SIRT3: variants seen among roughly 807,000 people sequenced by gnomAD.
SIRT3 encodes sirtuin 3.
A neutral mutation model predicts 33.5 loss-of-function variants in SIRT3; 26 were observed. That is an observed-to-expected ratio of 0.78 (90% confidence interval 0.57 to 1.08). SIRT3 has a LOEUF of 1.08. Ranked by LOEUF, SIRT3 falls within the 50% of genes least tolerant of loss-of-function variation. The probability of loss-of-function intolerance (pLI) is 0.00; values close to 1 mark genes in which losing one functional copy is unlikely to be tolerated. For synonymous variants in SIRT3, 237 were observed against 222.1 expected (o/e 1.07, Z -0.60); for missense variants, 585 against 530.1 (o/e 1.10, Z -1.02).
chr11:222,871 C>A (rs1856625296), intron 5 of SIRT3: 1 of 152,444 alleles, frequency 6.6e-6, no homozygotes, highest in South Asian at 2.1e-4. Flanking sequence ...AGATCCAACT[C>A]CACCTGCCTG....
upstream of SIRT3, chr11:236,924 C>T (rs1859244931): frequency 9.0e-6 from 7 of 779,844 alleles, no homozygotes; most frequent in South Asian, 1.1e-4. Flanking sequence ...CCGCCCCCGG[C>T]CTGCTACGGC....
chr11:229,805 T>A (rs1274509930), intron 4 of SIRT3, among the ~76,000 whole-genome samples: 1 of 151,956 alleles, frequency 6.6e-6, no homozygotes, highest in African/African-American at 2.4e-5. Flanking sequence ...TACCCAGCAA[T>A]ACTTGTAGGT....
intron 5 of SIRT3, among the ~76,000 whole-genome samples, chr11:220,692 T>C (rs554694532): frequency 4.7e-4 from 71 of 152,382 alleles, no homozygotes; most frequent in African/African-American, 1.6e-3. Context: ...GGAAGGCAAG[T>C]TCTCAATATT....
chr11:227,750 G>A (rs1468511172), intron 4 of SIRT3, among the ~76,000 whole-genome samples: 1 of 151,934 alleles, frequency 6.6e-6, no homozygotes, highest in African/African-American at 2.4e-5. Context: ...TCAGCCTCCT[G>A]AGTAGCTGGG....
chr11:234,885 G>T (rs1237221109), intron 1 of SIRT3, among the ~76,000 whole-genome samples: 2 of 150,082 alleles, frequency 1.3e-5, no homozygotes, highest in African/African-American at 2.5e-5. Flanking sequence ...CGGGATCTTT[G>T]TTTTTTTTTG....
At chr11:217,988 G>A (rs554035063) in intron 6 of SIRT3, among the ~76,000 whole-genome samples, 49 of 152,270 alleles carry the variant, frequency 3.2e-4, no homozygotes, top group African/African-American at 1.1e-3. Context: ...CCCCGCACAC[G>A]TCCTCTTGCC....
At position 236,112 on chromosome 11, in the gene SIRT3, G is replaced by C; in HGVS notation, c.217C>G (p.Pro73Ala). Reference protein sequence around the residue: ...PARPLQRPPRPEVPRAFRRQP... With the variant: ...PARPLQRPPRAEVPRAFRRQP... ...CTCCGGAATGCCCTGGGCACCTCGGGTCTGGGAGGCCTCTGCAAGGGGCGC... is the reference window on the plus strand; with the variant it reads ...CTCCGGAATGCCCTGGGCACCTCGGCTCTGGGAGGCCTCTGCAAGGGGCGC... The change falls in exon 1 of 7, where the codon CCC (proline) becomes GCC (alanine). Residue 73 changes from proline to alanine, a missense_variant. Transcript: ENST00000382743. The C allele has an allele frequency of 6.3e-7, 1 of 1,582,308 alleles. No homozygotes were observed. Among genetic ancestry groups the C allele is most frequent in the Non-Finnish European group, 8.6e-7 (1 of 1,165,018 alleles).
intron 6 of SIRT3, among the ~76,000 whole-genome samples, chr11:217,062 T>G (rs977271930): frequency 6.6e-6 from 1 of 152,238 alleles, no homozygotes; most frequent in Non-Finnish European, 1.5e-5. Flanking sequence ...TTTACATACA[T>G]TTCTCTGAAA....
chr11:218,966 C>A lies in SIRT3; in HGVS notation c.1045G>T (p.Gly349Trp). ...PRLLINRDLV[G>W]PLAWHPRSRD... Reference sequence around the variant, plus strand: ...CTGCGAGGATGCCAAGCCAAGGGCCCCACCAAGTCCCGGTTGATGAGCAGT... The same window carrying A: ...CTGCGAGGATGCCAAGCCAAGGGCCACACCAAGTCCCGGTTGATGAGCAGT... The change falls in exon 6 of 7, where the codon GGG becomes TGG. Residue 349 changes from glycine to tryptophan, a missense_variant. Coordinates refer to ENST00000382743, the MANE Select transcript of SIRT3 (RefSeq NM_012239.6). The A allele has an allele frequency of 1.2e-6, 2 of 1,614,148 alleles. No individual in the cohort carries two copies. The highest frequency in any genetic ancestry group is 1.7e-6 in the Non-Finnish European group (2 of 1,180,034).
Position 236,247 on chromosome 11 carries a change from C to G in SIRT3, c.82G>C (p.Val28Leu), listed in dbSNP as rs769057279. The change falls in exon 1 of 7, where the codon GTG becomes CTG. Residue 28 changes from valine (V) to leucine (L), a missense_variant. Val to Leu is a conservative substitution (Grantham distance 32, BLOSUM62 1). Transcript: ENST00000382743. The stretch of plus-strand genomic sequence containing the variant: ...CAGCCGCAGGCCTGAAACGGCCCCA[C>G]GCCTCCCCCGGCCTCGACCCGTTCA... ...VVERVEAGGG[V>L]GPFQACGCRL... is the part of the protein sequence containing the mutation. 22 of 1,549,714 alleles carry G rather than the reference C, an allele frequency of 1.4e-5. No homozygotes were observed. The South Asian group carries it at 2.1e-4, about 15-fold the overall frequency.
At position 218,819 on chromosome 11, in the gene SIRT3, C is replaced by T; in HGVS notation, c.1179+13G>A. ...GGGCAGCCCCTTGGATGGTCCTCCT[C>T]AGCAGTCTGTACCTTCCCAGTTTCC... On this transcript the variant is annotated intron_variant, in intron 6 of 6. Transcript: ENST00000382743. 6.2e-7 allele frequency: 1 copy of T among 1,614,194 alleles called. No individual in the cohort carries two copies. Among genetic ancestry groups the T allele is most frequent in the Non-Finnish European group, 8.5e-7 (1 of 1,180,026 alleles).
In SIRT3 at chr11:233,312, C is replaced by T. The variant is rs763056058; in HGVS notation, c.473+31G>A. The T allele has an allele frequency of 2.6e-5, 41 of 1,604,172 alleles. No individual in the cohort carries two copies. The South Asian group carries it at 2.9e-4, about 11-fold the overall frequency. On this transcript the variant is annotated intron_variant, in intron 2 of 6. Transcript: ENST00000382743. ...GAGGGCAGGAGTCAGGGGAGGGGAG[C>T]GCAGAAGGCAGGTGGGACTGTGGGC...
At chr11:227,684 G>A (rs35967446) in intron 4 of SIRT3, among the ~76,000 whole-genome samples, 23,714 of 151,866 alleles carry the variant, frequency 0.16, 2,343 homozygotes, top group Middle Eastern at 0.22. Flanking sequence ...GGAGTGCAGT[G>A]GTGCGATCTC....
intron 1 of SIRT3, among the ~76,000 whole-genome samples, chr11:234,821 T>G (rs72865311): frequency 0.16 from 23,777 of 151,936 alleles, 2,350 homozygotes; most frequent in Middle Eastern, 0.22. Flanking sequence ...TAGAACAGAG[T>G]CTGGCACAGA....
intron 3 of SIRT3, among the ~76,000 whole-genome samples, chr11:231,861 T>C (rs578211716): frequency 3.4e-4 from 20 of 58,824 alleles, no homozygotes; most frequent in Non-Finnish European, 5.8e-4. Context: ...ATCAGCAGTC[T>C]CTCCGGGAGC....
intron 1 of SIRT3, among the ~76,000 whole-genome samples, chr11:234,925 T>C (rs1564815981): frequency 6.6e-6 from 1 of 152,082 alleles, no homozygotes; most frequent in East Asian, 1.9e-4. Context: ...TCGCCCGGGC[T>C]GGAGTGCAAT....
chr11:230,398 C>T, intron 4 of SIRT3, 54 bp downstream of exon 4: 1 of 1,080,532 alleles, frequency 9.3e-7, no homozygotes, highest in Non-Finnish European at 1.3e-6. Context: ...ACCACTTTTC[C>T]AGATCACCCC....
chr11:215,256 T>C lies in SIRT3; in HGVS notation c.*1442A>G, dbSNP rs995423877. On this transcript the variant is annotated 3_prime_UTR_variant, in exon 7 of 7. Coordinates refer to ENST00000382743, the MANE Select transcript of SIRT3 (RefSeq NM_012239.6). ...GGCCAACATAGCAAAACCTTGTCTC[T>C]ATTACAAATATGCCCATGTGCTAGG... 1 of 152,786 alleles carries C rather than the reference T, an allele frequency of 6.5e-6. No homozygotes were observed. The highest frequency in any genetic ancestry group is 1.5e-5 in the Non-Finnish European group (1 of 68,526). The allele number at this position is 152,786 out of a possible 1,614,324, so 9.5% of individuals were successfully genotyped here.
upstream of SIRT3, chr11:236,389 T>TCCGCCTCCCACCC (rs1859150492): frequency 2.2e-4 from 30 of 139,044 alleles, no homozygotes; most frequent in Non-Finnish European, 2.5e-4. Flanking sequence ...CGGCCCCGCC[T>TCCGCCTCCCACCC]CCGCCTCCCA....
Sources: gnomAD v4.1 joint callset for allele counts (sites outside exome capture counted in the v4.1 genomes callset) on GRCh38, gnomAD v4.1.1 for gene constraint, MANE v1.5 for transcripts, NCBI Gene and HGNC (gene_info 2026-07-23, HGNC 2026-07-21) for gene names.